AMPH: variants seen among roughly 807,000 people sequenced by gnomAD.
The protein encoded by AMPH is amphiphysin (Stiff-Mann syndrome with breast cancer 128kD autoantigen).
AMPH carries 49 observed loss-of-function variants against 99.1 expected under a neutral mutation model. That is an observed-to-expected ratio of 0.49 (90% CI 0.39 to 0.63). The LOEUF (loss-of-function observed/expected upper bound fraction) is 0.63, where lower values mean the gene tolerates loss of function less well. AMPH is among the 20% of genes least tolerant of loss of function. AMPH has a pLI of 0.00. For synonymous variants in AMPH, 314 were observed against 317.3 expected, an observed-to-expected ratio of 0.99 and a Z score of 0.11; for missense variants, 759 against 863.4, an observed-to-expected ratio of 0.88 and a Z score of 1.52.
chr7:38,540,999 CT>C (rs1262226890), intron 1 of AMPH, among the ~76,000 whole-genome samples: 2 of 139,328 alleles, frequency 1.4e-5, no homozygotes, highest in Non-Finnish European at 3.0e-5. Context: ...ACACCTTTCT[CT>C]TCACACTTTC....
chr7:38,545,151 G>A (rs1790949681), intron 1 of AMPH, among the ~76,000 whole-genome samples: 1 of 152,188 alleles, frequency 6.6e-6, no homozygotes, highest in African/African-American at 2.4e-5. Context: ...AGCCTAGAGT[G>A]GTGGTCTACA....
At chr7:38,474,280 T>A (rs1788003823) in intron 7 of AMPH, among the ~76,000 whole-genome samples, 1 of 151,624 alleles carries the variant, frequency 6.6e-6, no homozygotes, top group African/African-American at 2.4e-5. Context: ...ATGAAATAAA[T>A]AAAAAGAAAA....
intron 1 of AMPH, among the ~76,000 whole-genome samples, chr7:38,550,070 C>T (rs1320045881): frequency 6.6e-6 from 1 of 152,222 alleles, no homozygotes; most frequent in African/African-American, 2.4e-5. Flanking sequence ...GGAGTAAACA[C>T]TTCCAACTCT....
rs201028258 is a variant in AMPH at position 38,521,460 on chromosome 7, G to T, written c.150+13471C>A. Among the ~76,000 whole-genome samples, 14 of 152,284 alleles carry T rather than the reference G, an allele frequency of 9.2e-5. No individual in the cohort carries two copies. The East Asian group carries it at 2.7e-3, about 29-fold the overall frequency. ...CGCTTGAACCCGGCGGGCAGAGGTT[G>T]CAGTGAACAGAGATAGCGCCACTTC... is the stretch of plus-strand genomic sequence containing the variant. On this transcript the variant is annotated intron_variant, in intron 2 of 20. Transcript: ENST00000356264.
intron 14 of AMPH, among the ~76,000 whole-genome samples, 162 bp from the exon 15 acceptor site, chr7:38,427,148 C>T (rs1365234025): frequency 6.7e-6 from 1 of 148,830 alleles, no homozygotes. Context: ...GCAAAGGCCA[C>T]ACTGTATGAT....
chr7:38,464,091 C>T, intron 9 of AMPH: 1 of 1,289,754 alleles, frequency 7.8e-7, no homozygotes, highest in Non-Finnish European at 1.0e-6. Context: ...TCACTCACCA[C>T]CTCATTCTGC....
At chr7:38,547,081 A>ATC (rs1791020316) in intron 1 of AMPH, among the ~76,000 whole-genome samples, 1 of 152,022 alleles carries the variant, frequency 6.6e-6, no homozygotes, top group African/African-American at 2.4e-5. Flanking sequence ...ACCAGCAGCC[A>ATC]TCTCATCCCC....
At chr7:38,537,296 C>T (rs1262263800) in intron 1 of AMPH, among the ~76,000 whole-genome samples, 1 of 152,102 alleles carries the variant, frequency 6.6e-6, no homozygotes, top group Non-Finnish European at 1.5e-5. Flanking sequence ...ATTAATAGTG[C>T]CTACTTCACA....
rs201046228 is a variant in AMPH, at chr7:38,436,405, C to T, written c.1018-17G>A. The stretch of plus-strand genomic sequence containing the variant: ...GACTTCATTCTGTTAAAGCAAACAA[C>T]AAAACAAAATAAAACATGTATTAGC... On this transcript the variant is annotated splice_polypyrimidine_tract_variant and intron_variant, in intron 11 of 20. Transcript: ENST00000356264. 3 of 1,582,736 alleles carry T rather than the reference C, an allele frequency of 1.9e-6. No homozygotes were observed. Among genetic ancestry groups the T allele is most frequent in the Non-Finnish European group, 2.6e-6 (3 of 1,151,528 alleles).
Position 38,465,554 on chromosome 7 carries a change from G to A in AMPH, c.667-5C>T. 6.4e-7 allele frequency: 1 copy of A among 1,573,874 alleles called. No homozygotes were observed. On this transcript the variant is annotated splice_region_variant and splice_polypyrimidine_tract_variant and intron_variant, in intron 8 of 20. Coordinates refer to ENST00000356264, the MANE Select transcript of AMPH (RefSeq NM_001635.4). Reference sequence around the variant, plus strand: ...TTCATACAGTTTGTGGCAAAGCTAAGGGGACAGAGGCCACTTGTCTATTAG... The same window carrying A: ...TTCATACAGTTTGTGGCAAAGCTAAAGGGACAGAGGCCACTTGTCTATTAG...
chr7:38,591,389 G>C (rs1792850940), intron 1 of AMPH, among the ~76,000 whole-genome samples: 1 of 150,938 alleles, frequency 6.6e-6, no homozygotes, highest in Non-Finnish European at 1.5e-5. Flanking sequence ...CTATGTTCAA[G>C]TGATTCTCCT....
At chr7:38,545,940 G>A (rs886295365) in intron 1 of AMPH, among the ~76,000 whole-genome samples, 1 of 152,166 alleles carries the variant, frequency 6.6e-6, no homozygotes, top group Non-Finnish European at 1.5e-5. Context: ...TACATTGCAG[G>A]TTTGAATGGA....
At chr7:38,465,380 A>G in intron 9 of AMPH, 87 bp downstream of exon 9, 1 of 1,151,682 alleles carries the variant, frequency 8.7e-7, no homozygotes, top group Non-Finnish European at 1.2e-6. Context: ...CTTTTGTAGG[A>G]TAAATAAAAT....
chr7:38,491,210 A>C, intron 4 of AMPH, 65 bp from the exon 5 acceptor site: 2 of 1,112,964 alleles, frequency 1.8e-6, no homozygotes, highest in South Asian at 2.7e-5. Flanking sequence ...AAACTTCTAA[A>C]AAAATCTGAA....
chr7:38,520,585 C>T (rs1789920653), intron 2 of AMPH, among the ~76,000 whole-genome samples: 1 of 152,086 alleles, frequency 6.6e-6, no homozygotes, highest in Admixed American at 6.6e-5. Context: ...AACATAGATA[C>T]ACAGCTAAAT....
intron 1 of AMPH, among the ~76,000 whole-genome samples, chr7:38,612,486 A>T (rs1240625491): frequency 5.3e-5 from 8 of 152,234 alleles, no homozygotes; most frequent in African/African-American, 1.9e-4. Flanking sequence ...TTACCCACAT[A>T]ACACAGTCCT....
At chr7:38,456,072 A>G (rs1787221227) in intron 11 of AMPH, among the ~76,000 whole-genome samples, 1 of 152,188 alleles carries the variant, frequency 6.6e-6, no homozygotes, top group Non-Finnish European at 1.5e-5. Flanking sequence ...CTGAAAGCCT[A>G]GCTTCCAAAG....
chr7:38,621,729 G>A (rs1207585883), intron 1 of AMPH, among the ~76,000 whole-genome samples: 4 of 152,106 alleles, frequency 2.6e-5, no homozygotes, highest in Non-Finnish European at 5.9e-5. Flanking sequence ...CCAAAATGGT[G>A]GTTTTCTCGT....
chr7:38,439,769 T>C (rs559020164), intron 11 of AMPH, among the ~76,000 whole-genome samples: 71 of 152,256 alleles, frequency 4.7e-4, no homozygotes, highest in Non-Finnish European at 9.4e-4. Context: ...AGGAAAACAT[T>C]GCCAATTATA....
Sources: gnomAD v4.1 joint callset for allele counts (sites outside exome capture counted in the v4.1 genomes callset) on GRCh38, gnomAD v4.1.1 for gene constraint, MANE v1.5 for transcripts, NCBI Gene and HGNC (gene_info 2026-07-23, HGNC 2026-07-21) for gene names.